The following BOD1L1 variants were observed in gnomAD, a reference collection of about 807,000 sequenced individuals.
BOD1L1 encodes biorientation of chromosomes in cell division 1 like 1.
Under a neutral mutation model 240.7 loss-of-function variants are expected in BOD1L1, and 86 were observed. The observed-to-expected ratio is 0.36, with a 90% CI of 0.30 to 0.43. The LOEUF is 0.43. Ranked by LOEUF, BOD1L1 falls within the 20% of genes least tolerant of loss-of-function variation. The probability of loss-of-function intolerance (pLI) is 1.00; values close to 1 mark genes in which losing one functional copy is unlikely to be tolerated. For synonymous variants in BOD1L1, 1,268 were observed against 1,272.3 expected, an observed-to-expected ratio of 1.00 and a Z score of 0.07; for missense variants, 3,554 against 3,643.5, an observed-to-expected ratio of 0.98 and a Z score of 0.63.
chr4:13,584,229 C>T (rs1013328605), intron 17 of BOD1L1, among the ~76,000 whole-genome samples: 41 of 152,160 alleles, frequency 2.7e-4, no homozygotes, highest in African/African-American at 8.7e-4. Context: ...AAGGTCAACT[C>T]GTTTGGGAAA....
At chr4:13,624,441 C>G (rs1274534370) in intron 1 of BOD1L1, 2 of 152,044 alleles carry the variant, frequency 1.3e-5, no homozygotes, top group Non-Finnish European at 2.9e-5. Context: ...GTTTTTTAGA[C>G]CAAGTCTTGT....
chr4:13,571,343 C>CA (rs1322257308), intron 25 of BOD1L1, among the ~76,000 whole-genome samples: 1 of 152,210 alleles, frequency 6.6e-6, no homozygotes, highest in African/African-American at 2.4e-5. Context: ...GATATGAAGA[C>CA]ACGTCTTCCG....
chr4:13,588,827 T>G, intron 14 of BOD1L1, 35 bp from the exon 15 acceptor site: 1 of 1,420,246 alleles, frequency 7.0e-7, no homozygotes, highest in Non-Finnish European at 9.5e-7. Flanking sequence ...AAAAAAATCT[T>G]AAATATTTTT....
chr4:13,603,675 T>G lies in BOD1L1; in HGVS notation c.3225A>C (p.Arg1075Ser). The G allele has an allele frequency of 6.2e-7, 1 of 1,614,012 alleles. No individual in the cohort carries two copies. Among genetic ancestry groups the G allele is most frequent in the Non-Finnish European group, 8.5e-7 (1 of 1,179,884 alleles). ...KLSRRLCENR[R>S]GSLSQEMAKG... is the part of the protein sequence containing the mutation. ...TGGCCATTTCTTGTGACAAGCTTCC[T>G]CTCCGATTTTCGCACAACCTTCTAC... The change falls in exon 10 of 26, where the codon AGA (arginine) becomes AGC (serine). Residue 1075 changes from arginine (R) to serine (S), a missense_variant. Arg to Ser is a moderately radical substitution (Grantham distance 110). Transcript: ENST00000040738.
rs1714660732 is a variant in BOD1L1 at position 13,596,883 on chromosome 4, C to G, written c.8019+221G>C. On this transcript the variant is annotated intron_variant, in intron 11 of 25. Coordinates refer to ENST00000040738, the MANE Select transcript of BOD1L1 (RefSeq NM_148894.3). Reference sequence around the variant, plus strand: ...GATGACGGAGAAACTGAGGGTGACTCTTGTGTTTCTGGCTTGAGTAAATGA... The same window carrying G: ...GATGACGGAGAAACTGAGGGTGACTGTTGTGTTTCTGGCTTGAGTAAATGA... 2.0e-5 allele frequency among the ~76,000 whole-genome samples: 3 copies of G among 152,234 alleles called. No homozygotes were observed. In the South Asian group the frequency reaches 6.2e-4, roughly 32 times the overall value.
chr4:13,585,228 CT>C (rs1713577109), intron 17 of BOD1L1, among the ~76,000 whole-genome samples: 1 of 152,062 alleles, frequency 6.6e-6, no homozygotes, highest in South Asian at 2.1e-4. Flanking sequence ...GTTATTAAAC[CT>C]TTTCCTACTT....
chr4:13,583,643 A>C (rs1379617554), intron 17 of BOD1L1, among the ~76,000 whole-genome samples: 3 of 152,194 alleles, frequency 2.0e-5, no homozygotes, highest in African/African-American at 7.2e-5. Context: ...TTTTTTACCT[A>C]ACAATGAGGA....
chr4:13,611,853 A>G (rs1716197781), intron 5 of BOD1L1, among the ~76,000 whole-genome samples: 1 of 152,226 alleles, frequency 6.6e-6, no homozygotes. Flanking sequence ...GTGGGAATTA[A>G]TAACTGGAAG....
chr4:13,607,636 C>T lies in BOD1L1; in HGVS notation c.1743-447G>A, dbSNP rs79073155. ...TATACACTTGATCGACAAATGCAGACTTGTTACATTTCAATTTAAATCCTA... is the reference window on the plus strand; with the variant it reads ...TATACACTTGATCGACAAATGCAGATTTGTTACATTTCAATTTAAATCCTA... On this transcript the variant is annotated intron_variant, in intron 8 of 25. Transcript: ENST00000040738. Among the ~76,000 whole-genome samples, 412 of 152,278 alleles carry T rather than the reference C, an allele frequency of 2.7e-3. 14 individuals are homozygous for T. The East Asian group carries it at 0.054, about 20-fold the overall frequency.
At chr4:13,572,953 A>G in intron 25 of BOD1L1, 1 of 920,406 alleles carries the variant, frequency 1.1e-6, no homozygotes, top group Non-Finnish European at 1.4e-6. Context: ...AATAGGAACT[A>G]AAATCAGAAA....
Position 13,604,563 on chromosome 4 carries a change from T to C in BOD1L1, c.2337A>G (p.Thr779=). The C allele has an allele frequency of 6.4e-7, 1 of 1,558,194 alleles. No homozygotes were observed. Among genetic ancestry groups the C allele is most frequent in the Admixed American group, 2.2e-5 (1 of 44,788 alleles). The change falls in exon 10 of 26, where the codon ACA becomes ACG. Residue 779 remains threonine, a synonymous_variant. Transcript: ENST00000040738. ...CGGTTTTATCATCTGAAGAAAGCTT[T>C]GTTTGTTGACTTTGCTTTTGAATAT... ...EENIQKQSQQ[T]KLSSDDKTER... is the part of the protein sequence containing the mutation.
chr4:13,603,003 A>G lies in BOD1L1; in HGVS notation c.3897T>C (p.Asp1299=), dbSNP rs773890146. The part of the protein sequence containing the change: ...VVPLRESYDP[D]VIPLFDKRTV... ...TTCTTTTGTCAAACAGAGGAATTAC[A>G]TCTGGATCATACGATTCCCTCAGAG... The change falls in exon 10 of 26, where the codon GAT becomes GAC. Residue 1299 remains aspartate, a synonymous_variant. Transcript: ENST00000040738. 3 of 1,614,036 alleles carry G rather than the reference A, an allele frequency of 1.9e-6. No homozygotes were observed. Among genetic ancestry groups the G allele is most frequent in the Non-Finnish European group, 2.5e-6 (3 of 1,179,880 alleles).
rs756209546 is a variant in BOD1L1, at chr4:13,608,510, T to C, written c.1742+20A>G. 43 of 1,507,194 alleles carry C rather than the reference T, an allele frequency of 2.9e-5. No individual in the cohort carries two copies. The highest frequency in any genetic ancestry group is 3.2e-5 in the Non-Finnish European group (36 of 1,132,440). 93.4% of individuals were successfully genotyped at this position (1,507,194 alleles called of 1,614,324 possible). A position where few individuals can be genotyped will look rare whatever the true frequency, so the allele number is the denominator to read the frequency against. ...CCAGGGGAGTGTTATAAGGGAAACA[T>C]GACCAGATAAAATATGTACCTTGAA... On this transcript the variant is annotated intron_variant, in intron 8 of 25. Transcript: ENST00000040738.
At chr4:13,607,068 C>A in intron 9 of BOD1L1, 49 bp downstream of exon 9, 2 of 1,225,822 alleles carry the variant, frequency 1.6e-6, no homozygotes, top group African/African-American at 1.6e-5. Flanking sequence ...GAATAAACAG[C>A]CTATATCTAA....
In BOD1L1 at chr4:13,595,877, C is replaced by T. The variant is rs1714577921; in HGVS notation, c.8087G>A (p.Gly2696Glu). Reference sequence around the variant, plus strand: ...GAGCTCACCTATTCCACTTGGCTTTCCCCCACACAGACTTTCTGGTGGTGC... The same window carrying T: ...GAGCTCACCTATTCCACTTGGCTTTTCCCCACACAGACTTTCTGGTGGTGC... ...ILAPPESLCG[G>E]KPSGIAELQR... Residue 2696 changes from glycine to glutamate, a missense_variant, in exon 12 of 26, where the codon GGA (glycine) becomes GAA (glutamate). Transcript: ENST00000040738. 2 of 1,613,634 alleles carry T rather than the reference C, an allele frequency of 1.2e-6. No individual in the cohort carries two copies. Among genetic ancestry groups the T allele is most frequent in the East Asian group, 2.2e-5 (1 of 44,848 alleles).
Position 13,600,832 on chromosome 4 carries a change from T to C in BOD1L1, c.6068A>G (p.His2023Arg), listed in dbSNP as rs761215121. The C allele has an allele frequency of 1.2e-6, 2 of 1,613,852 alleles. No individual in the cohort carries two copies. Among genetic ancestry groups the C allele is most frequent in the South Asian group, 1.1e-5 (1 of 91,044 alleles). The stretch of plus-strand genomic sequence containing the variant: ...ATCTTCTTTTTCACTTGGTGATGTG[T>C]GAGCAACTTCACATTCTGGGACTTC... Reference protein sequence around the residue: ...SGEVPECEVAHTSPSEKEDED... With the variant: ...SGEVPECEVARTSPSEKEDED... The change falls in exon 10 of 26, where the codon CAC becomes CGC. Residue 2023 changes from histidine to arginine, a missense_variant. This residue lies in a region of BOD1L1 where 3,393 missense variants were observed against 3,427.1 expected (regional missense o/e 0.99). Transcript: ENST00000040738.
chr4:13,617,022 A>C (rs545001282), intron 2 of BOD1L1, among the ~76,000 whole-genome samples: 1 of 152,258 alleles, frequency 6.6e-6, no homozygotes, highest in African/African-American at 2.4e-5. Flanking sequence ...CAAGGCGGGC[A>C]GATCACAAGG....
chr4:13,591,792 C>A (rs1714240483), intron 13 of BOD1L1, 131 bp downstream of exon 13: 1 of 636,702 alleles, frequency 1.6e-6, no homozygotes, highest in South Asian at 2.3e-5. Context: ...GAGTACACTA[C>A]CAAATGCCTC....
rs1295008858 is a variant in BOD1L1 at position 13,614,777 on chromosome 4, G to A, written c.593C>T (p.Ala198Val). ...TTCCAATATCGACATGGCATCATTG[G>A]CTACATTAGCACTGGGCCCAGGAGT... The part of the protein sequence containing the change: ...VPTPGPSANV[A>V]NDAMSILETI... Residue 198 changes from alanine (A) to valine (V), a missense_variant, in exon 4 of 26, where the codon GCC becomes GTC. Ala to Val is a moderately conservative substitution (Grantham distance 64, BLOSUM62 0). Around this residue, in one of 2 missense-constraint regions of BOD1L1, gnomAD observed 3,393 missense variants for 3,427.1 expected, o/e 0.99. Transcript: ENST00000040738. 4 of 1,613,580 alleles carry A rather than the reference G, an allele frequency of 2.5e-6. No homozygotes were observed. The South Asian group carries it at 4.4e-5, about 18-fold the overall frequency.
Sources: gnomAD v4.1 joint callset for allele counts (sites outside exome capture counted in the v4.1 genomes callset) on GRCh38, gnomAD v4.1.1 for gene constraint, gnomAD v4.1.1 regional missense constraint, MANE v1.5 for transcripts, NCBI Gene and HGNC (gene_info 2026-07-23, HGNC 2026-07-21) for gene names.